TNPO1: variants seen among roughly 807,000 people sequenced by gnomAD.
TNPO1 encodes transportin-1.
TNPO1 carries 8 observed loss-of-function variants against 119.5 expected under a neutral mutation model. The observed-to-expected ratio is 0.07, with a 90% CI of 0.04 to 0.12. The LOEUF is 0.12. Among genes scored for constraint, TNPO1 ranks in the 10% least tolerant of loss-of-function variants. The pLI, the probability that TNPO1 is intolerant of heterozygous loss-of-function variation, is 1.00. For missense variants in TNPO1, 576 were observed against 1,089.8 expected, an observed-to-expected ratio of 0.53 and a Z score of 6.64; for synonymous variants, 362 against 363.0, an observed-to-expected ratio of 1.00 and a Z score of 0.03.
intron 22 of TNPO1, 128 bp from the exon 23 acceptor site, chr5:72,903,577 ATAGT>A (rs1749937863): frequency 4.8e-6 from 3 of 620,640 alleles, no homozygotes; most frequent in Non-Finnish European, 8.3e-6. Flanking sequence ...CCTTATGATC[ATAGT>A]TAATTTTTAA....
chr5:72,878,373 T>TAC (rs1255114597), intron 9 of TNPO1, among the ~76,000 whole-genome samples: 1 of 151,982 alleles, frequency 6.6e-6, no homozygotes. Flanking sequence ...TAGAACCGTA[T>TAC]ACCCCACTGT....
Position 72,893,121 on chromosome 5 carries a change from G to A in TNPO1, c.1789-18G>A, listed in dbSNP as rs776027759. On this transcript the variant is annotated intron_variant, in intron 15 of 24. Coordinates refer to ENST00000337273, the MANE Select transcript of TNPO1 (RefSeq NM_002270.4). Reference sequence around the variant, plus strand: ...AGTATACCCAGAAAGTTTAGCATGTGTACTTTATTCTTCCTAGTGCCTATC... The same window carrying A: ...AGTATACCCAGAAAGTTTAGCATGTATACTTTATTCTTCCTAGTGCCTATC... 4.4e-6 allele frequency: 7 copies of A among 1,592,200 alleles called. No homozygotes were observed. In the Admixed American group the frequency reaches 6.9e-5, roughly 16 times the overall value.
chr5:72,889,851 A>G lies in TNPO1; in HGVS notation c.1595A>G (p.Asp532Gly). 6.2e-7 allele frequency: 1 copy of G among 1,613,394 alleles called. No individual in the cohort carries two copies. The highest frequency in any genetic ancestry group is 1.1e-5 in the South Asian group (1 of 91,066). ...ELVPYLAYIL[D>G]TLVFAFSKYQ... ...GTTCCTTACCTTGCTTATATACTTG[A>G]TACCCTGGTCTTTGCATTTAGTAAA... The change falls in exon 14 of 25, where the codon GAT becomes GGT. Residue 532 changes from aspartate to glycine, a missense_variant. Asp to Gly is a moderately conservative substitution (Grantham distance 94). Coordinates refer to ENST00000337273, the MANE Select transcript of TNPO1 (RefSeq NM_002270.4).
At chr5:72,898,973 T>C (rs977190305) in intron 20 of TNPO1, among the ~76,000 whole-genome samples, 5 of 152,192 alleles carry the variant, frequency 3.3e-5, no homozygotes, top group African/African-American at 4.8e-5. Context: ...TTTGTATTTT[T>C]TCCTGTTGTG....
intron 7 of TNPO1, 66 bp from the exon 8 acceptor site, chr5:72,875,549 G>A (rs1016268394): frequency 3.2e-5 from 49 of 1,535,612 alleles, no homozygotes; most frequent in Non-Finnish European, 4.2e-5. Flanking sequence ...TCACCAACTT[G>A]CAGATTACTT....
At position 72,912,132 on chromosome 5, in the gene TNPO1, A is replaced by G. The variant is rs558083655; in HGVS notation, c.*3459A>G. The G allele has an allele frequency of 9.8e-5, 15 of 152,550 alleles. No homozygotes were observed. The highest frequency in any genetic ancestry group is 3.6e-4 in the African/African-American group (15 of 41,460). 9.4% of individuals were successfully genotyped at this position (152,550 alleles called of 1,614,324 possible). ...TATTTCCCAAATAATCAACATGTAA[A>G]TAATCTTTTAAGAGCCAGTTCTGAT... is the stretch of plus-strand genomic sequence containing the variant. On this transcript the variant is annotated 3_prime_UTR_variant, in exon 25 of 25. Transcript: ENST00000337273.
intron 1 of TNPO1, among the ~76,000 whole-genome samples, chr5:72,820,517 C>A (rs1409192114): frequency 6.6e-6 from 1 of 152,148 alleles, no homozygotes; most frequent in African/African-American, 2.4e-5. Flanking sequence ...TACATTGTCA[C>A]TTTCATGTAC....
intron 1 of TNPO1, chr5:72,848,106 T>C: frequency 4.5e-6 from 5 of 1,119,106 alleles, no homozygotes; most frequent in Non-Finnish European, 5.5e-6. Context: ...TGGGGCCAGA[T>C]TGCAAATTCG....
rs142304398 is a variant in TNPO1 at position 72,881,933 on chromosome 5, T to G, written c.921-534T>G. Among the ~76,000 whole-genome samples, 956 of 152,282 alleles carry G rather than the reference T, an allele frequency of 6.3e-3. 10 individuals carry two copies. Among genetic ancestry groups the G allele is most frequent in the African/African-American group, 0.022 (916 of 41,572 alleles). The stretch of plus-strand genomic sequence containing the variant: ...TTTTGTCTTCAAAAAACAAAAAAAC[T>G]CAAACTTTTTTTGAGTGGGACTTAC... On this transcript the variant is annotated intron_variant, in intron 9 of 24. Coordinates refer to ENST00000337273, the MANE Select transcript of TNPO1 (RefSeq NM_002270.4).
intron 7 of TNPO1, among the ~76,000 whole-genome samples, chr5:72,873,525 C>T (rs1747556042): frequency 6.6e-6 from 1 of 152,042 alleles, no homozygotes; most frequent in Non-Finnish European, 1.5e-5. Flanking sequence ...ATCCTTTAGC[C>T]ATTTACAAGT....
Position 72,821,220 on chromosome 5 carries a change from A to G in TNPO1, c.15+4468A>G, listed in dbSNP as rs1045091036. ...AAAATTCATATTTGAGTTGCATTTT[A>G]TAGATGACTCCGAAGCCATTAGTAA... On this transcript the variant is annotated intron_variant, in intron 1 of 24. Transcript: ENST00000337273. Among the ~76,000 whole-genome samples the G allele has an allele frequency of 3.9e-5, 6 of 152,238 alleles. No homozygotes were observed. In the South Asian group the frequency reaches 6.2e-4, roughly 16 times the overall value.
intron 24 of TNPO1, among the ~76,000 whole-genome samples, chr5:72,906,167 C>G (rs1286403979): frequency 1.3e-5 from 2 of 149,312 alleles, no homozygotes; most frequent in East Asian, 2.0e-4. Context: ...AAGGACTTTT[C>G]ATTTCACGTG....
intron 2 of TNPO1, among the ~76,000 whole-genome samples, chr5:72,850,108 T>A (rs1005989727): frequency 6.6e-6 from 1 of 152,224 alleles, no homozygotes; most frequent in African/African-American, 2.4e-5. Context: ...TACATACTGC[T>A]GTTTCAGAGT....
intron 8 of TNPO1, 98 bp downstream of exon 8, chr5:72,875,835 T>C (rs1747724201): frequency 7.4e-7 from 1 of 1,343,660 alleles, no homozygotes; most frequent in Non-Finnish European, 1.0e-6. Flanking sequence ...GACTATAAAA[T>C]AGTTATAATT....
chr5:72,842,474 C>T (rs2112221944), intron 1 of TNPO1, among the ~76,000 whole-genome samples: 1 of 152,308 alleles, frequency 6.6e-6, no homozygotes, highest in Non-Finnish European at 1.5e-5. Context: ...TAGAACACTG[C>T]TTGGCACTCA....
At chr5:72,846,740 T>C (rs1745147152) in intron 1 of TNPO1, among the ~76,000 whole-genome samples, 1 of 152,194 alleles carries the variant, frequency 6.6e-6, no homozygotes, top group South Asian at 2.1e-4. Flanking sequence ...GGGTGTTGGT[T>C]ACACAGATGG....
chr5:72,816,880 G>T, intron 1 of TNPO1, 128 bp downstream of exon 1: 1 of 1,221,912 alleles, frequency 8.2e-7, no homozygotes, highest in Non-Finnish European at 1.1e-6. Flanking sequence ...CTGCCCGGCC[G>T]TTTGAAGCCG....
chr5:72,866,554 G>C (rs1344423735), intron 6 of TNPO1, among the ~76,000 whole-genome samples: 1 of 152,126 alleles, frequency 6.6e-6, no homozygotes, highest in African/African-American at 2.4e-5. Flanking sequence ...AGGAGTTCAA[G>C]ACTAGCCTGG....
intron 18 of TNPO1, 79 bp downstream of exon 18, chr5:72,893,782 CTG>C (rs1363672079): frequency 7.7e-7 from 1 of 1,294,304 alleles, no homozygotes; most frequent in Non-Finnish European, 1.1e-6. Context: ...TATTATTAAA[CTG>C]AAATTGCATG....
Sources: allele counts gnomAD v4.1 joint callset (sites outside exome capture counted in the v4.1 genomes callset), GRCh38; gene constraint gnomAD v4.1.1; transcripts MANE v1.5; gene names NCBI Gene and HGNC (gene_info 2026-07-23, HGNC 2026-07-21).